Variants in CSGALNACT1 observed in about 807,000 individuals in gnomAD.
CSGALNACT1 encodes the protein chondroitin sulfate N-acetylgalactosaminyltransferase 1.
A neutral mutation model predicts 51.0 loss-of-function variants in CSGALNACT1; 52 were observed. That is an observed-to-expected ratio of 1.02 (90% CI 0.82 to 1.29). The LOEUF (loss-of-function observed/expected upper bound fraction) is 1.29. CSGALNACT1 is among the 50% of genes most tolerant of loss of function. CSGALNACT1 has a pLI of 0.00. For missense variants in CSGALNACT1, 935 were observed against 679.2 expected, an observed-to-expected ratio of 1.38 and a Z score of -4.19; for synonymous variants, 341 against 254.4, an observed-to-expected ratio of 1.34 and a Z score of -3.24.
chr8:19,470,527 T>A (rs1033841539), intron 4 of CSGALNACT1, among the ~76,000 whole-genome samples: 1 of 152,132 alleles, frequency 6.6e-6, no homozygotes, highest in African/African-American at 2.4e-5. Context: ...GAGCTTGGAC[T>A]GGACTCTGCA....
At chr8:19,740,903 C>T (rs2064272477) in intron 1 of CSGALNACT1, among the ~76,000 whole-genome samples, 4 of 152,262 alleles carry the variant, frequency 2.6e-5, no homozygotes, top group Admixed American at 2.0e-4. Context: ...TACATACCCA[C>T]ATATGTATTC....
chr8:19,727,401 G>A (rs370846061), intron 1 of CSGALNACT1, among the ~76,000 whole-genome samples: 1 of 152,178 alleles, frequency 6.6e-6, no homozygotes, highest in African/African-American at 2.4e-5. Flanking sequence ...AGGCTGGAGT[G>A]CAGTGGTATG....
At chr8:19,576,746 G>C (rs2044314311) in intron 3 of CSGALNACT1, among the ~76,000 whole-genome samples, 1 of 152,038 alleles carries the variant, frequency 6.6e-6, no homozygotes, top group African/African-American at 2.4e-5. Context: ...TGCCCCATCA[G>C]TCTTACCTCT....
chr8:19,437,387 G>A (rs1309662342), intron 6 of CSGALNACT1, among the ~76,000 whole-genome samples: 1 of 152,174 alleles, frequency 6.6e-6, no homozygotes, highest in South Asian at 2.1e-4. Context: ...GCCCATCTGG[G>A]GACCAGGCTA....
At chr8:19,525,621 A>C (rs1326438417) in intron 3 of CSGALNACT1, among the ~76,000 whole-genome samples, 1 of 132,996 alleles carries the variant, frequency 7.5e-6, no homozygotes, top group African/African-American at 3.0e-5. Context: ...GTCCCAAAAA[A>C]AAAAAAAAAA....
chr8:19,645,342 T>A (rs1476730037), intron 1 of CSGALNACT1, among the ~76,000 whole-genome samples: 1 of 152,190 alleles, frequency 6.6e-6, no homozygotes, highest in African/African-American at 2.4e-5. Flanking sequence ...GAGAATACTG[T>A]CCAACTGAAG....
chr8:19,523,669 T>C lies in CSGALNACT1; in HGVS notation c.-296-17539A>G, dbSNP rs10104615. ...AATGTTATAAACAATGTGAATTGTATTCACGTAATCATCAAATATCTATTA... is the reference window on the plus strand; with the variant it reads ...AATGTTATAAACAATGTGAATTGTACTCACGTAATCATCAAATATCTATTA... On this transcript the variant is annotated intron_variant, in intron 3 of 9. Transcript: ENST00000454498. Among the ~76,000 whole-genome samples the C allele has an allele frequency of 6.0e-3, 910 of 152,296 alleles. 9 individuals carry two copies. The highest frequency in any genetic ancestry group is 0.021 in the African/African-American group (858 of 41,544).
At chr8:19,726,757 G>A (rs992770841) in intron 1 of CSGALNACT1, among the ~76,000 whole-genome samples, 7 of 152,140 alleles carry the variant, frequency 4.6e-5, no homozygotes, top group African/African-American at 1.7e-4. Context: ...ATCAAACTTT[G>A]GCAGAAATTT....
intron 6 of CSGALNACT1, among the ~76,000 whole-genome samples, chr8:19,431,212 T>C (rs771942732): frequency 1.3e-5 from 2 of 152,122 alleles, no homozygotes; most frequent in Admixed American, 6.5e-5. Context: ...CAATATTGAA[T>C]AGTGAAAGCA....
intron 1 of CSGALNACT1, among the ~76,000 whole-genome samples, chr8:19,608,704 C>T (rs946756169): frequency 6.6e-6 from 1 of 152,166 alleles, no homozygotes; most frequent in Non-Finnish European, 1.5e-5. Context: ...TTACAATTCC[C>T]TCTGGCTAAA....
intron 3 of CSGALNACT1, among the ~76,000 whole-genome samples, chr8:19,546,500 C>CT (rs2086511740): frequency 6.6e-6 from 1 of 152,146 alleles, no homozygotes; most frequent in Non-Finnish European, 1.5e-5. Flanking sequence ...GGAAGTATCA[C>CT]TAAGAATTAA....
intron 1 of CSGALNACT1, among the ~76,000 whole-genome samples, chr8:19,623,711 T>C (rs1204644080): frequency 6.6e-6 from 1 of 152,242 alleles, no homozygotes; most frequent in East Asian, 1.9e-4. Context: ...TGTTTGGATA[T>C]TAACCAATAA....
rs550399081 is a variant in CSGALNACT1, at chr8:19,556,006, C to A, written c.-297+35154G>T. ...CGGCATTCTGTGGTGTGTTTTTTTACCCTCGAAGATAAGAACGATAACACT... is the reference window on the plus strand; with the variant it reads ...CGGCATTCTGTGGTGTGTTTTTTTAACCTCGAAGATAAGAACGATAACACT... On this transcript the variant is annotated intron_variant, in intron 3 of 9. Transcript: ENST00000454498. 1.5e-4 allele frequency among the ~76,000 whole-genome samples: 23 copies of A among 152,148 alleles called. No individual in the cohort carries two copies. The South Asian group carries it at 4.6e-3, about 30-fold the overall frequency.
chr8:19,734,334 C>A (rs2063849063), intron 1 of CSGALNACT1, among the ~76,000 whole-genome samples: 1 of 152,144 alleles, frequency 6.6e-6, no homozygotes, highest in Non-Finnish European at 1.5e-5. Context: ...TGAGTCTCAG[C>A]CAATCACAGC....
intron 4 of CSGALNACT1, among the ~76,000 whole-genome samples, chr8:19,468,893 A>T (rs1219418080): frequency 6.6e-6 from 1 of 152,154 alleles, no homozygotes; most frequent in Non-Finnish European, 1.5e-5. Context: ...GTAGATTAAG[A>T]AGAATGAGCT....
At chr8:19,729,443 T>C (rs888674749) in intron 1 of CSGALNACT1, among the ~76,000 whole-genome samples, 1 of 152,202 alleles carries the variant, frequency 6.6e-6, no homozygotes, top group Non-Finnish European at 1.5e-5. Context: ...GATTGAGCCA[T>C]ACAGATGCAG....
chr8:19,689,637 T>C (rs538881924), intron 1 of CSGALNACT1, among the ~76,000 whole-genome samples: 1 of 152,348 alleles, frequency 6.6e-6, no homozygotes, highest in South Asian at 2.1e-4. Flanking sequence ...TTAAGATTTA[T>C]AGGAGGCCAT....
chr8:19,553,566 T>G (rs1467358260), intron 3 of CSGALNACT1, among the ~76,000 whole-genome samples: 1 of 148,560 alleles, frequency 6.7e-6, no homozygotes, highest in Non-Finnish European at 1.5e-5. Flanking sequence ...ACCATTTATA[T>G]ACAAAAAGCT....
chr8:19,603,558 G>A (rs1285856457), upstream of CSGALNACT1, among the ~76,000 whole-genome samples: 1 of 152,222 alleles, frequency 6.6e-6, no homozygotes, highest in East Asian at 1.9e-4. Context: ...ACTTGGACCC[G>A]AATCTGAGTT....
Sources: gnomAD v4.1 joint callset for allele counts (sites outside exome capture counted in the v4.1 genomes callset) on GRCh38, gnomAD v4.1.1 for gene constraint, MANE v1.5 for transcripts, NCBI Gene and HGNC (gene_info 2026-07-23, HGNC 2026-07-21) for gene names.